Variants in GAR1 observed in about 807,000 individuals in gnomAD.
GAR1 encodes GAR1 ribonucleoprotein.
A neutral mutation model predicts 29.3 loss-of-function variants in GAR1; 11 were observed. The observed-to-expected ratio is 0.38, with a 90% CI of 0.24 to 0.62. GAR1 has a LOEUF of 0.62. Ranked by LOEUF, GAR1 falls within the 20% of genes least tolerant of loss-of-function variation. The pLI, the probability that GAR1 is intolerant of heterozygous loss-of-function variation, is 0.62. For missense variants in GAR1, 237 were observed against 268.4 expected, an observed-to-expected ratio of 0.88 and a Z score of 0.82; for synonymous variants, 87 against 93.3, an observed-to-expected ratio of 0.93 and a Z score of 0.39.
chr4:109,818,303 T>C (rs1407139325), intron 3 of GAR1, among the ~76,000 whole-genome samples: 1 of 151,958 alleles, frequency 6.6e-6, no homozygotes, highest in African/African-American at 2.4e-5. Context: ...TTTTGGAAAA[T>C]TCTATTAATG....
Position 109,815,793 on chromosome 4 carries a change from C to T in GAR1, c.-24C>T. 2 of 264,966 alleles carry T rather than the reference C, an allele frequency of 7.5e-6. No homozygotes were observed. The highest frequency in any genetic ancestry group is 1.4e-5 in the Non-Finnish European group (2 of 138,238). 16.4% of individuals were successfully genotyped at this position (264,966 alleles called of 1,614,324 possible). On this transcript the variant is annotated 5_prime_UTR_variant, in exon 1 of 7. Coordinates refer to ENST00000226796, the MANE Select transcript of GAR1 (RefSeq NM_018983.4). Reference sequence around the variant, plus strand: ...GTGCGCAAGGCCAGGGCCAGAGGGGCACGTGGCGCCGGTGAGTGGCCGTAG... The same window carrying T: ...GTGCGCAAGGCCAGGGCCAGAGGGGTACGTGGCGCCGGTGAGTGGCCGTAG...
intron 4 of GAR1, among the ~76,000 whole-genome samples, chr4:109,820,538 G>T (rs563472839): frequency 1.3e-5 from 2 of 152,122 alleles, no homozygotes; most frequent in Non-Finnish European, 2.9e-5. Context: ...AAAACTAAAG[G>T]TCTGGTAGTG....
chr4:109,816,030 C>A, intron 1 of GAR1, 123 bp from the exon 2 acceptor site: 1 of 918,978 alleles, frequency 1.1e-6, no homozygotes, highest in East Asian at 2.4e-5. Flanking sequence ...GCTGTCTGAC[C>A]GTGGGTGAGG....
In GAR1 at chr4:109,824,457, G is replaced by A; in HGVS notation, c.*26G>A. The A allele has an allele frequency of 1.3e-6, 2 of 1,549,936 alleles. No homozygotes were observed. Among genetic ancestry groups the A allele is most frequent in the Non-Finnish European group, 1.8e-6 (2 of 1,122,494 alleles). On this transcript the variant is annotated 3_prime_UTR_variant, in exon 7 of 7. Transcript: ENST00000226796. ...GTGAAACAGTTGACAGACATCACCA[G>A]TTGACTTCTGCATTAACCTGCATGA...
chr4:109,816,063 T>A, intron 1 of GAR1, 90 bp from the exon 2 acceptor site: 1 of 1,274,762 alleles, frequency 7.8e-7, no homozygotes, highest in Non-Finnish European at 1.1e-6. Context: ...TTTTGTCTCC[T>A]TTATGGTGTT....
At chr4:109,818,829 T>G (rs1463643275) in intron 3 of GAR1, among the ~76,000 whole-genome samples, 172 bp from the exon 4 acceptor site, 1 of 152,084 alleles carries the variant, frequency 6.6e-6, no homozygotes, top group Non-Finnish European at 1.5e-5. Flanking sequence ...CCCCCCGAAG[T>G]GCTGGGTTTG....
Position 109,818,990 on chromosome 4 carries a change from G to A in GAR1, c.370-11G>A. The A allele has an allele frequency of 8.7e-7, 1 of 1,148,412 alleles. No homozygotes were observed. The highest frequency in any genetic ancestry group is 1.3e-6 in the Non-Finnish European group (1 of 772,518). The allele number at this position is 1,148,412 out of a possible 1,614,324, so 71.1% of individuals were successfully genotyped here. On this transcript the variant is annotated splice_polypyrimidine_tract_variant and intron_variant, in intron 3 of 6. Coordinates refer to ENST00000226796, the MANE Select transcript of GAR1 (RefSeq NM_018983.4). ...CTTAATTGCTCATTTGTTCCTTAATGAAAATAATAGTATTTTTCAGTTAAG... is the reference window on the plus strand; with the variant it reads ...CTTAATTGCTCATTTGTTCCTTAATAAAAATAATAGTATTTTTCAGTTAAG...
At chr4:109,821,555 ATTAC>A (rs1050384784) in intron 4 of GAR1, among the ~76,000 whole-genome samples, 3 of 152,218 alleles carry the variant, frequency 2.0e-5, no homozygotes, top group Admixed American at 2.0e-4. Flanking sequence ...TATATCCTTC[ATTAC>A]TTTGTGTGTT....
In GAR1 at chr4:109,819,924, T is replaced by C. The variant is rs1733466808; in HGVS notation, c.429+864T>C. On this transcript the variant is annotated intron_variant, in intron 4 of 6. Coordinates refer to ENST00000226796, the MANE Select transcript of GAR1 (RefSeq NM_018983.4). ...TAAGACCAGAGAGGTAGGAGGGGGC[T>C]TGATTAACTTAAGCCTTCAGGTGAC... Among the ~76,000 whole-genome samples the C allele has an allele frequency of 2.0e-5, 3 of 152,212 alleles. No homozygotes were observed. The South Asian group carries it at 6.2e-4, about 32-fold the overall frequency.
chr4:109,820,027 A>G (rs1278558142), intron 4 of GAR1, among the ~76,000 whole-genome samples: 2 of 152,232 alleles, frequency 1.3e-5, no homozygotes, highest in Non-Finnish European at 2.9e-5. Flanking sequence ...GAATGCTTCA[A>G]AAGAATACTG....
chr4:109,824,493 C>T lies in GAR1; in HGVS notation c.*62C>T. ...CATTAACCTGCATGATCTGTTTCTA[C>T]TATGGATTGGAAACTTGTTTCTTGA... On this transcript the variant is annotated 3_prime_UTR_variant, in exon 7 of 7. Transcript: ENST00000226796. 8.0e-7 allele frequency: 1 copy of T among 1,242,394 alleles called. No individual in the cohort carries two copies. The highest frequency in any genetic ancestry group is 1.2e-6 in the Non-Finnish European group (1 of 848,366). The allele number at this position is 1,242,394 out of a possible 1,614,324, so 77.0% of individuals were successfully genotyped here. A position where few individuals can be genotyped will look rare whatever the true frequency, so the allele number is the denominator to read the frequency against.
chr4:109,816,237 A>G lies in GAR1; in HGVS notation c.73A>G (p.Ser25Gly). ...AGGTGGCGGCTTCAACCGAGGTGGC[A>G]GCAGCAACCACTTCCGAGGTGGAGG... ...GGGGGFNRGG[S>G]SNHFRGGGGG... Residue 25 changes from serine (S) to glycine (G), a missense_variant, in exon 2 of 7, where the codon AGC (serine) becomes GGC (glycine). Physicochemically the swap from Ser to Gly is moderately conservative, Grantham distance 56 (BLOSUM62 0). Transcript: ENST00000226796. 2.5e-6 allele frequency: 4 copies of G among 1,609,254 alleles called. No individual in the cohort carries two copies. In the South Asian group the frequency reaches 3.3e-5, roughly 13 times the overall value.
intron 3 of GAR1, 27 bp downstream of exon 3, chr4:109,818,117 T>A (rs1048047788): frequency 6.5e-7 from 1 of 1,545,932 alleles, no homozygotes; most frequent in East Asian, 2.2e-5. Flanking sequence ...GAAGGCCTGA[T>A]AATATTCAAA....
intron 2 of GAR1, among the ~76,000 whole-genome samples, chr4:109,816,814 C>A (rs931429024): frequency 6.6e-6 from 1 of 152,130 alleles, no homozygotes; most frequent in Non-Finnish European, 1.5e-5. Flanking sequence ...GATAATAAAG[C>A]AGGAGACCCT....
At chr4:109,818,406 C>A (rs1163898936) in intron 3 of GAR1, among the ~76,000 whole-genome samples, 2 of 151,850 alleles carry the variant, frequency 1.3e-5, no homozygotes, top group East Asian at 3.9e-4. Context: ...GTTTGGTGCC[C>A]CCACTACTCT....
intron 2 of GAR1, among the ~76,000 whole-genome samples, chr4:109,816,956 A>G (rs28421711): frequency 0.064 from 9,785 of 152,310 alleles, 1,016 homozygotes; most frequent in African/African-American, 0.22. Context: ...GAGGAAATCT[A>G]GAAAAACACC....
At chr4:109,820,421 G>A (rs1227744653) in intron 4 of GAR1, among the ~76,000 whole-genome samples, 1 of 152,036 alleles carries the variant, frequency 6.6e-6, no homozygotes, top group Non-Finnish European at 1.5e-5. Flanking sequence ...AGTCTAGACT[G>A]GAAATAGAAT....
At chr4:109,815,827 G>C (rs1424929354) in intron 1 of GAR1, 23 bp downstream of exon 1, 1 of 322,738 alleles carries the variant, frequency 3.1e-6, no homozygotes, top group African/African-American at 2.2e-5. Flanking sequence ...AGAAGCCGGA[G>C]GATTTGAAAA....
Position 109,824,493 on chromosome 4 carries a change from C to G in GAR1, c.*62C>G. The G allele has an allele frequency of 8.0e-7, 1 of 1,242,390 alleles. No homozygotes were observed. The highest frequency in any genetic ancestry group is 1.2e-6 in the Non-Finnish European group (1 of 848,362). The allele number at this position is 1,242,390 out of a possible 1,614,324, so 77.0% of individuals were successfully genotyped here. The stretch of plus-strand genomic sequence containing the variant: ...CATTAACCTGCATGATCTGTTTCTA[C>G]TATGGATTGGAAACTTGTTTCTTGA... On this transcript the variant is annotated 3_prime_UTR_variant, in exon 7 of 7. Transcript: ENST00000226796.
Sources: allele counts gnomAD v4.1 joint callset (sites outside exome capture counted in the v4.1 genomes callset), GRCh38; gene constraint gnomAD v4.1.1; transcripts MANE v1.5; gene names NCBI Gene and HGNC (gene_info 2026-07-23, HGNC 2026-07-21).